FLNB: variants seen among roughly 807,000 people sequenced by gnomAD.
FLNB encodes filamin B, also known as filamin-B.
A neutral mutation model predicts 250.6 loss-of-function variants in FLNB; 111 were observed. The ratio of observed to expected loss-of-function variants is 0.44; its 90% CI spans 0.38 to 0.52. The LOEUF (loss-of-function observed/expected upper bound fraction) is 0.52, where lower values mean the gene tolerates loss of function less well. Ranked by LOEUF, FLNB falls within the 20% of genes least tolerant of loss-of-function variation. The pLI, the probability that FLNB is intolerant of heterozygous loss-of-function variation, is 0.00. For missense variants in FLNB, 2,869 were observed against 3,447.8 expected (o/e 0.83, Z 4.20); for synonymous variants, 1,302 against 1,372.1 (o/e 0.95, Z 1.13).
intron 10 of FLNB, among the ~76,000 whole-genome samples, 154 bp from the exon 11 acceptor site, chr3:58,104,926 G>A (rs1191390844): frequency 6.6e-6 from 1 of 152,228 alleles, no homozygotes; most frequent in Non-Finnish European, 1.5e-5. Flanking sequence ...CTATGGGTGA[G>A]AGGCCTGCAG....
intron 1 of FLNB, among the ~76,000 whole-genome samples, chr3:58,073,969 C>T (rs993356767): frequency 6.6e-6 from 1 of 152,210 alleles, no homozygotes; most frequent in Non-Finnish European, 1.5e-5. Context: ...GAGAATCTGT[C>T]TCCTGTCTGC....
rs2097328803 is a variant in FLNB at position 58,142,504 on chromosome 3, GACAAAGCCCATACC to G, written c.5182-141_5182-128del. 1.4e-6 allele frequency: 1 copy of G among 721,692 alleles called. No homozygotes were observed. The allele number at this position is 721,692 out of a possible 1,614,324, so 44.7% of individuals were successfully genotyped here. On this transcript the variant is annotated intron_variant, in intron 30 of 45. Coordinates refer to ENST00000295956, the MANE Select transcript of FLNB (RefSeq NM_001457.4). The surrounding 1 kb of genome is among the most constrained non-coding windows in gnomAD (Gnocchi z 4.3). Reference sequence around the variant, plus strand: ...TCTACCCTGGGTCTGGAGCCACTTAGACAAAGCCCATACCACAATGGGCAGCCGCATTCCCAAAT... The same window carrying G: ...TCTACCCTGGGTCTGGAGCCACTTAGACAATGGGCAGCCGCATTCCCAAAT...
chr3:58,124,915 T>C (rs752701195), intron 22 of FLNB, among the ~76,000 whole-genome samples: 2 of 152,124 alleles, frequency 1.3e-5, no homozygotes, highest in African/African-American at 4.8e-5. Context: ...TATTCTGATA[T>C]AGATATTTTC....
chr3:58,138,766 A>T lies in FLNB; in HGVS notation c.5109+237A>T, dbSNP rs376100360. On this transcript the variant is annotated intron_variant, in intron 29 of 45. Coordinates refer to ENST00000295956, the MANE Select transcript of FLNB (RefSeq NM_001457.4). ...ACCAAGGTGTCTATCATAATAAGGG[A>T]CTTGGGCAATATCCTGGCCTAAGCC... Among the ~76,000 whole-genome samples the T allele has an allele frequency of 3.0e-4, 46 of 152,310 alleles. No individual in the cohort carries two copies. The South Asian group carries it at 4.1e-3, about 14-fold the overall frequency.
intron 1 of FLNB, among the ~76,000 whole-genome samples, chr3:58,060,959 G>A (rs1385299732): frequency 1.3e-5 from 2 of 152,088 alleles, no homozygotes; most frequent in Non-Finnish European, 2.9e-5. Flanking sequence ...TGTCCAGGAC[G>A]GGTGTGTCTG....
chr3:58,026,068 T>C lies in FLNB; in HGVS notation c.292+17212T>C, dbSNP rs372375221. Among the ~76,000 whole-genome samples, 135 of 152,318 alleles carry C rather than the reference T, an allele frequency of 8.9e-4. 1 individual carries two copies. Among genetic ancestry groups the C allele is most frequent in the Non-Finnish European group, 1.4e-3 (95 of 68,020 alleles). On this transcript the variant is annotated intron_variant, in intron 1 of 45. Transcript: ENST00000295956. ...TGCTGTTGTGGTGTTAGTATCAGCA[T>C]TGTTGCTGTGAGACCCTGCACTTCC...
intron 19 of FLNB, 104 bp downstream of exon 19, chr3:58,119,093 T>C: frequency 3.4e-6 from 3 of 878,472 alleles, no homozygotes; most frequent in East Asian, 4.8e-5. Flanking sequence ...GCAAATTCTA[T>C]GTTAAGAGAC....
Position 58,169,643 on chromosome 3 carries a change from G to T in FLNB, c.7471G>T (p.Glu2491Ter), listed in dbSNP as rs907576152. The stretch of plus-strand genomic sequence containing the variant: ...CAACGAGACCTCATCCATCCTGGTG[G>T]AGTCAGTGACCAGGTCGTCTACAGA... ...SANETSSILV[E>*]SVTRSSTETC... Residue 2491 changes from glutamate (E) to a stop codon, truncating the protein, a stop_gained, in exon 45 of 46, where the codon GAG becomes TAG. Coordinates refer to ENST00000295956, the MANE Select transcript of FLNB (RefSeq NM_001457.4). LOFTEE classifies it high-confidence loss of function. The surrounding 1 kb of genome is among the most constrained non-coding windows in gnomAD (Gnocchi z 4.8). The T allele has an allele frequency of 6.2e-7, 1 of 1,614,010 alleles. No homozygotes were observed. The highest frequency in any genetic ancestry group is 1.3e-5 in the African/African-American group (1 of 74,896).
chr3:58,089,050 C>T (rs1331627563), intron 4 of FLNB, among the ~76,000 whole-genome samples: 3 of 151,706 alleles, frequency 2.0e-5, no homozygotes, highest in Non-Finnish European at 2.9e-5. Flanking sequence ...CCAGCTACAA[C>T]AGAACATTTA....
rs933523056 is a variant in FLNB at position 58,155,987 on chromosome 3, A to G, written c.6800A>G (p.Asn2267Ser). The change falls in exon 41 of 46, where the codon AAT becomes AGT. Residue 2267 changes from asparagine (N) to serine (S), a missense_variant. Physicochemically the swap from Asn to Ser is conservative, Grantham distance 46. Around this residue, in one of 5 missense-constraint regions of FLNB, gnomAD observed 1,084 missense variants for 1,315.5 expected, o/e 0.82. Coordinates refer to ENST00000295956, the MANE Select transcript of FLNB (RefSeq NM_001457.4). ...PGNYEVSIKF[N>S]DEHIPESPYL... ...AACTACGAGGTGTCCATCAAGTTCA[A>G]TGATGAGCACATCCCGGAAAGCCCC... 1.2e-6 allele frequency: 2 copies of G among 1,613,772 alleles called. No homozygotes were observed. The highest frequency in any genetic ancestry group is 3.3e-5 in the Admixed American group (2 of 60,022).
chr3:58,102,226 G>A lies in FLNB; in HGVS notation c.1369G>A (p.Ala457Thr). 1 of 1,614,232 alleles carries A rather than the reference G, an allele frequency of 6.2e-7. No homozygotes were observed. Among genetic ancestry groups the A allele is most frequent in the Non-Finnish European group, 8.5e-7 (1 of 1,180,030 alleles). The change falls in exon 9 of 46, where the codon GCC (alanine) becomes ACC (threonine). Residue 457 changes from alanine (A) to threonine (T), a missense_variant. Physicochemically the swap from Ala to Thr is moderately conservative, Grantham distance 58. This residue lies in a region of FLNB where 1,348 missense variants were observed against 1,466.7 expected (regional missense o/e 0.92). Coordinates refer to ENST00000295956, the MANE Select transcript of FLNB (RefSeq NM_001457.4). ...AGCCTGCAATCCAAATGCCTGCCGGGCCAGTGGCCGAGGCCTACAACCCAA... is the reference window on the plus strand; with the variant it reads ...AGCCTGCAATCCAAATGCCTGCCGGACCAGTGGCCGAGGCCTACAACCCAA... ...GEACNPNACR[A>T]SGRGLQPKGV...
chr3:58,125,767 G>A, intron 23 of FLNB, 24 bp downstream of exon 23: 1 of 1,612,388 alleles, frequency 6.2e-7, no homozygotes. Flanking sequence ...TACATTTGGT[G>A]TCTTGAGTCT....
intron 1 of FLNB, among the ~76,000 whole-genome samples, chr3:58,043,465 A>G (rs1330732488): frequency 6.6e-6 from 1 of 152,110 alleles, no homozygotes; most frequent in Non-Finnish European, 1.5e-5. Context: ...AGTTGTAGAA[A>G]CCACTTGAAA....
At chr3:58,051,772 G>A (rs1327347074) in intron 1 of FLNB, among the ~76,000 whole-genome samples, 1 of 152,084 alleles carries the variant, frequency 6.6e-6, no homozygotes, top group African/African-American at 2.4e-5. Context: ...GGCTTGAGAA[G>A]TTGGAAGAGC....
intron 1 of FLNB, among the ~76,000 whole-genome samples, chr3:58,033,245 A>G (rs776050944): frequency 1.3e-5 from 2 of 152,298 alleles, no homozygotes; most frequent in East Asian, 1.9e-4. Context: ...CAGCCCCAGA[A>G]GTTTCCTTGT....
At chr3:58,094,770 C>G (rs1417398244) in intron 4 of FLNB, 66 bp from the exon 5 acceptor site, 13 of 1,286,810 alleles carry the variant, frequency 1.0e-5, no homozygotes, top group Non-Finnish European at 1.5e-5. Context: ...GAAAGAGATG[C>G]AGTGGGCGAT....
In FLNB at chr3:58,098,853, C is replaced by G. The variant is rs147854989; in HGVS notation, c.1290C>G (p.Ile430Met). The change falls in exon 8 of 46, where the codon ATC becomes ATG. Residue 430 changes from isoleucine to methionine, a missense_variant. By Grantham distance (10) the Ile-to-Met change is conservative. Coordinates refer to ENST00000295956, the MANE Select transcript of FLNB (RefSeq NM_001457.4). ...AGCCTGGCCCTCACGTGGTCAAGATCTTCTTTGCTGGGGACACTATTCCTA... is the reference window on the plus strand; with the variant it reads ...AGCCTGGCCCTCACGTGGTCAAGATGTTCTTTGCTGGGGACACTATTCCTA... ...PMQPGPHVVK[I>M]FFAGDTIPKS... The G allele has an allele frequency of 8.8e-5, 142 of 1,613,970 alleles. No individual in the cohort carries two copies. The highest frequency in any genetic ancestry group is 3.3e-4 in the Admixed American group (20 of 60,000).
At chr3:58,101,922 C>A (rs2097251838) in intron 8 of FLNB, among the ~76,000 whole-genome samples, 1 of 152,196 alleles carries the variant, frequency 6.6e-6, no homozygotes, top group Non-Finnish European at 1.5e-5. Context: ...AGGTTAAATG[C>A]TGGAAGCAGG....
At chr3:58,090,828 T>C (rs1451869151) in intron 4 of FLNB, among the ~76,000 whole-genome samples, 1 of 152,058 alleles carries the variant, frequency 6.6e-6, no homozygotes, top group Non-Finnish European at 1.5e-5. Context: ...TCCCAGCACT[T>C]TGGGAGGCCG....
Sources: gnomAD v4.1 joint callset for allele counts (sites outside exome capture counted in the v4.1 genomes callset) on GRCh38, gnomAD v4.1.1 for gene constraint, gnomAD v4.1.1 regional missense constraint, Gnocchi (gnomAD v3.1) non-coding constraint, MANE v1.5 for transcripts, NCBI Gene and HGNC (gene_info 2026-07-23, HGNC 2026-07-21) for gene names.